PLXNA4: variants seen among roughly 807,000 people sequenced by gnomAD.
PLXNA4 encodes the protein plexin-A4.
In PLXNA4, 44 loss-of-function variants were observed where a neutral mutation model predicts 191.8. That is an observed-to-expected ratio of 0.23 (90% CI 0.18 to 0.29). PLXNA4 has a LOEUF of 0.29. Ranked by LOEUF, PLXNA4 falls within the 10% of genes least tolerant of loss-of-function variation. PLXNA4 has a pLI of 1.00. For missense variants in PLXNA4, 1,800 were observed against 2,488.8 expected, an observed-to-expected ratio of 0.72 and a Z score of 5.89; for synonymous variants, 1,082 against 1,009.5, an observed-to-expected ratio of 1.07 and a Z score of -1.36.
chr7:132,247,343 G>A (rs1227752552), intron 4 of PLXNA4, among the ~76,000 whole-genome samples: 1 of 152,086 alleles, frequency 6.6e-6, no homozygotes, highest in Non-Finnish European at 1.5e-5. Context: ...CCTGATGGTT[G>A]GAATTAATTT....
At chr7:132,637,407 T>C (rs1803630346) in intron 2 of PLXNA4, among the ~76,000 whole-genome samples, 1 of 152,152 alleles carries the variant, frequency 6.6e-6, no homozygotes, top group East Asian at 1.9e-4. Context: ...CATACCAGGC[T>C]CTCCTTGGTT....
chr7:132,395,695 G>A (rs897678970), intron 3 of PLXNA4, among the ~76,000 whole-genome samples: 1 of 152,232 alleles, frequency 6.6e-6, no homozygotes, highest in Non-Finnish European at 1.5e-5. Flanking sequence ...CTCTTGGAGA[G>A]AGGGGAGAGT....
chr7:132,236,128 C>T (rs1445524674), intron 5 of PLXNA4, among the ~76,000 whole-genome samples: 1 of 152,154 alleles, frequency 6.6e-6, no homozygotes, highest in Non-Finnish European at 1.5e-5. Context: ...ATTACACGAG[C>T]CTTTCTTAAG....
chr7:132,264,196 A>G (rs1359612414), intron 4 of PLXNA4: 1 of 152,246 alleles, frequency 6.6e-6, no homozygotes, highest in Non-Finnish European at 1.5e-5. Flanking sequence ...GAATTGGTTT[A>G]ATTAAATTGA....
At chr7:132,574,390 A>T (rs1162283270) in intron 1 of PLXNA4, among the ~76,000 whole-genome samples, 1 of 152,324 alleles carries the variant, frequency 6.6e-6, no homozygotes, top group South Asian at 2.1e-4. Flanking sequence ...GTGCTGCTGT[A>T]CGCGTAGGTG....
chr7:132,444,782 C>T (rs1795833012), intron 3 of PLXNA4, among the ~76,000 whole-genome samples: 1 of 152,110 alleles, frequency 6.6e-6, no homozygotes, highest in Non-Finnish European at 1.5e-5. Flanking sequence ...CTGCTGGTCA[C>T]CGTCAGTAGA....
In PLXNA4 at chr7:132,123,611, T is replaced by A. The variant is rs1339599398; in HGVS notation, c.*6868A>T. 1 of 152,158 alleles carries A rather than the reference T, an allele frequency of 6.6e-6. No homozygotes were observed. Among genetic ancestry groups the A allele is most frequent in the Non-Finnish European group, 1.5e-5 (1 of 68,042 alleles). 9.4% of individuals were successfully genotyped at this position (152,158 alleles called of 1,614,324 possible). A position where few individuals can be genotyped will look rare whatever the true frequency, so the allele number is the denominator to read the frequency against. On this transcript the variant is annotated 3_prime_UTR_variant, in exon 32 of 32. Transcript: ENST00000321063. ...AACCAGAAGACCCTCTTCTTAGAGA[T>A]CTCATCCACATACATTTGAGGCTCA...
chr7:132,607,104 G>C (rs977399649), intron 2 of PLXNA4, among the ~76,000 whole-genome samples: 2 of 152,174 alleles, frequency 1.3e-5, no homozygotes, highest in African/African-American at 4.8e-5. Flanking sequence ...AAAATGAACA[G>C]AAGCCTTTGA....
chr7:132,545,228 T>C (rs546632574), intron 1 of PLXNA4, among the ~76,000 whole-genome samples: 7 of 152,314 alleles, frequency 4.6e-5, no homozygotes, highest in South Asian at 4.1e-4. Context: ...CCTCCTGCAG[T>C]TACTTCACAT....
At chr7:132,599,987 A>G (rs1802786760) in intron 2 of PLXNA4, among the ~76,000 whole-genome samples, 1 of 152,070 alleles carries the variant, frequency 6.6e-6, no homozygotes, top group African/African-American at 2.4e-5. Context: ...ATGTTAATAG[A>G]TTTTTCTTTT....
intron 23 of PLXNA4, 79 bp downstream of exon 23, chr7:132,165,054 CG>C (rs1796082032): frequency 1.2e-5 from 19 of 1,546,270 alleles, no homozygotes; most frequent in Non-Finnish European, 1.7e-5. Context: ...AGGGAGGACT[CG>C]GGGGTGTGGA....
At chr7:132,471,352 T>C (rs1462157975) in intron 3 of PLXNA4, among the ~76,000 whole-genome samples, 1 of 152,178 alleles carries the variant, frequency 6.6e-6, no homozygotes, top group African/African-American at 2.4e-5. Context: ...AATAGACCGT[T>C]GTGTGTGTTG....
intron 1 of PLXNA4, among the ~76,000 whole-genome samples, chr7:132,564,361 CCTCCTCCTCCTT>C (rs1801613716): frequency 6.9e-6 from 1 of 145,450 alleles, no homozygotes; most frequent in South Asian, 2.2e-4. Context: ...TCCTCTTTCT[CCTCCTCCTCCTT>C]CTCCTCCTCC....
intron 4 of PLXNA4, among the ~76,000 whole-genome samples, chr7:132,258,734 G>A (rs1799519668): frequency 6.6e-6 from 1 of 152,174 alleles, no homozygotes; most frequent in Admixed American, 6.5e-5. Flanking sequence ...CACCTGGGAA[G>A]AAGACAAAAA....
intron 10 of PLXNA4, 101 bp from the exon 11 acceptor site, chr7:132,203,520 T>G: frequency 9.8e-7 from 1 of 1,019,030 alleles, no homozygotes; most frequent in Non-Finnish European, 1.5e-6. Flanking sequence ...GCTCACAGGC[T>G]AAAGACTGGC....
chr7:132,498,641 G>T (rs78820731), intron 2 of PLXNA4, among the ~76,000 whole-genome samples: 7,730 of 152,130 alleles, frequency 0.051, 328 homozygotes, highest in East Asian at 0.19. Flanking sequence ...GTATATATGG[G>T]GTTTGGGACT....
intron 3 of PLXNA4, among the ~76,000 whole-genome samples, chr7:132,378,054 C>T (rs996829389): frequency 2.6e-5 from 4 of 152,180 alleles, no homozygotes; most frequent in Admixed American, 6.5e-5. Flanking sequence ...CTAGAAGTTC[C>T]ATCACCCACC....
intron 25 of PLXNA4, among the ~76,000 whole-genome samples, chr7:132,151,528 A>AGG (rs1795636728): frequency 1.0e-3 from 17 of 16,930 alleles, no homozygotes; most frequent in Non-Finnish European, 1.5e-3. Context: ...GGAGGAGGAG[A>AGG]AAGGAGGAGG....
intron 4 of PLXNA4, among the ~76,000 whole-genome samples, chr7:132,256,525 A>G (rs958105103): frequency 6.6e-6 from 1 of 152,162 alleles, no homozygotes; most frequent in African/African-American, 2.4e-5. Flanking sequence ...GGGAGAATCA[A>G]GGCACTTACA....
Sources: allele counts gnomAD v4.1 joint callset (sites outside exome capture counted in the v4.1 genomes callset), GRCh38; gene constraint gnomAD v4.1.1; transcripts MANE v1.5; gene names NCBI Gene and HGNC (gene_info 2026-07-23, HGNC 2026-07-21).